CYP4X1: variants seen among roughly 807,000 people sequenced by gnomAD.
CYP4X1 encodes cytochrome P450 family 4 subfamily X member 1.
In CYP4X1, 44 loss-of-function variants were observed where a neutral mutation model predicts 57.9. That is an observed-to-expected ratio of 0.76 (90% CI 0.60 to 0.98). The LOEUF is 0.98. Ranked by LOEUF, CYP4X1 falls within the 50% of genes least tolerant of loss-of-function variation. CYP4X1 has a pLI of 0.00. For synonymous variants in CYP4X1, 227 were observed against 228.6 expected (o/e 0.99, Z 0.06); for missense variants, 532 against 623.9 (o/e 0.85, Z 1.57).
At chr1:46,993,395 A>G in the CYP4X1 span, among the ~76,000 whole-genome samples, 1 of 152,162 alleles carries the variant, frequency 6.6e-6, no homozygotes, top group Non-Finnish European at 1.5e-5. Context: ...ATAAACATAC[A>G]TATGCATGTG....
rs1553152516 is a variant in CYP4X1, at chr1:47,036,370, T to TATATATATATATATA, written c.775+199_775+200insATATATATATATATA. Among the ~76,000 whole-genome samples the TATATATATATATATA allele has an allele frequency of 9.4e-3, 1,221 of 129,750 alleles. 33 individuals carry two copies. Among genetic ancestry groups the TATATATATATATATA allele is most frequent in the East Asian group, 0.024 (67 of 2,788 alleles). 85.1% of individuals were successfully genotyped at this position (129,750 alleles called of 152,430 possible). On this transcript the variant is annotated intron_variant, in intron 6 of 11. Transcript: ENST00000371901. ...AACCATAGCAGTATTATCAGAATTT[T>TATATATATATATATA]TATATATATATATATACACTATTTT... is the stretch of plus-strand genomic sequence containing the variant.
upstream of CYP4X1, among the ~76,000 whole-genome samples, chr1:47,022,150 G>A (rs1644003859): frequency 6.6e-6 from 1 of 152,124 alleles, no homozygotes; most frequent in East Asian, 1.9e-4. Flanking sequence ...TCTAGTTGAA[G>A]GTTGGAGTTA....
At chr1:46,982,861 T>G in the CYP4X1 span, among the ~76,000 whole-genome samples, 1 of 152,174 alleles carries the variant, frequency 6.6e-6, no homozygotes, top group African/African-American at 2.4e-5. Flanking sequence ...TGGAGTGAGC[T>G]CAGGCTTTTT....
At chr1:46,961,698 C>T in the CYP4X1 span, 55 of 1,295,420 alleles carry the variant, frequency 4.2e-5, no homozygotes, top group Middle Eastern at 1.9e-3. Context: ...ACCCAACCAA[C>T]TTCTTCACTT....
the CYP4X1 span, among the ~76,000 whole-genome samples, chr1:47,005,723 G>A: frequency 4.3e-4 from 66 of 152,238 alleles, no homozygotes; most frequent in Non-Finnish European, 7.9e-4. Context: ...TAAAATTATC[G>A]GTGGAACAAA....
At chr1:47,052,918 TTTTTA>T (rs879681102), downstream of CYP4X1, among the ~76,000 whole-genome samples, 44 of 152,230 alleles carry the variant, frequency 2.9e-4, no homozygotes, top group Non-Finnish European at 5.9e-4. Context: ...CTATTTCTTT[TTTTTA>T]TTTTATTATT....
rs1300221522 is a variant in CYP4X1 at position 47,023,843 on chromosome 1, G to C, written c.26G>C (p.Arg9Pro). The stretch of plus-strand genomic sequence containing the variant: ...ATGGAATTCTCCTGGCTGGAGACGC[G>C]CTGGGCGCGGCCCTTTTACCTGGCG... MEFSWLETRWARPFYLAFV... is the reference protein window; with the variant it reads MEFSWLETPWARPFYLAFV... Residue 9 changes from arginine (R) to proline (P), a missense_variant, in exon 1 of 12, where the codon CGC becomes CCC. By Grantham distance (103) the Arg-to-Pro change is moderately radical. Transcript: ENST00000371901. The C allele has an allele frequency of 6.2e-7, 1 of 1,613,160 alleles. No homozygotes were observed. Among genetic ancestry groups the C allele is most frequent in the Admixed American group, 1.7e-5 (1 of 60,012 alleles).
the CYP4X1 span, among the ~76,000 whole-genome samples, chr1:47,000,244 C>T: frequency 1.3e-5 from 2 of 152,150 alleles, no homozygotes; most frequent in African/African-American, 2.4e-5. Context: ...CTTTGACTCT[C>T]CTTTGCCTTC....
chr1:46,982,946 T>C, the CYP4X1 span, among the ~76,000 whole-genome samples: 1 of 152,224 alleles, frequency 6.6e-6, no homozygotes, highest in Non-Finnish European at 1.5e-5. Context: ...TTAACTGGTC[T>C]CTGGGGCTTC....
chr1:46,980,926 C>T, the CYP4X1 span, among the ~76,000 whole-genome samples: 1 of 145,970 alleles, frequency 6.9e-6, no homozygotes, highest in African/African-American at 2.5e-5. Context: ...ACTGCCTAGC[C>T]ATATGTAGAA....
intron 1 of CYP4X1, among the ~76,000 whole-genome samples, chr1:47,027,521 T>G (rs1044182795): frequency 2.6e-5 from 4 of 152,224 alleles, no homozygotes; most frequent in Non-Finnish European, 5.9e-5. Context: ...CTCTTCAAGC[T>G]CTTCAGAAAT....
chr1:47,039,241 T>C (rs1364355850), intron 7 of CYP4X1, 101 bp from the exon 8 acceptor site: 1 of 1,114,232 alleles, frequency 9.0e-7, no homozygotes, highest in Admixed American at 2.6e-5. Flanking sequence ...TAAACCCCTA[T>C]TTAAAGCTCT....
intron 8 of CYP4X1, among the ~76,000 whole-genome samples, chr1:47,042,944 A>G (rs1644262259): frequency 1.3e-5 from 2 of 152,148 alleles, no homozygotes; most frequent in African/African-American, 4.8e-5. Flanking sequence ...TTTTCATATA[A>G]TGACTTCTCT....
At chr1:47,028,011 T>C (rs1644088756) in intron 1 of CYP4X1, among the ~76,000 whole-genome samples, 1 of 152,226 alleles carries the variant, frequency 6.6e-6, no homozygotes, top group Non-Finnish European at 1.5e-5. Flanking sequence ...TGGTGCATAA[T>C]AGGTGCTCAA....
intron 6 of CYP4X1, among the ~76,000 whole-genome samples, 199 bp downstream of exon 6, chr1:47,036,370 T>TTTTATATATATATATATATATATATA (rs1553152517): frequency 6.9e-5 from 9 of 129,838 alleles, no homozygotes; most frequent in African/African-American, 2.0e-4. Flanking sequence ...ATCAGAATTT[T>TTTTATATATATATATATATATATATA]TATATATATA....
At chr1:46,984,376 TAAAAA>T in the CYP4X1 span, among the ~76,000 whole-genome samples, 37 of 118,566 alleles carry the variant, frequency 3.1e-4, no homozygotes, top group South Asian at 3.2e-4. Context: ...GCTCTGCCTT[TAAAAA>T]AAAAAAAAAA....
At chr1:46,996,471 G>T in the CYP4X1 span, among the ~76,000 whole-genome samples, 1 of 152,174 alleles carries the variant, frequency 6.6e-6, no homozygotes, top group Non-Finnish European at 1.5e-5. Context: ...TCTCTATTCG[G>T]GGTGGTTTCT....
chr1:46,965,169 C>A, the CYP4X1 span, among the ~76,000 whole-genome samples: 1 of 152,340 alleles, frequency 6.6e-6, no homozygotes, highest in East Asian at 1.9e-4. Flanking sequence ...AGGGAATTCC[C>A]TGACCCCTTG....
chr1:47,031,401 A>G, intron 2 of CYP4X1, 35 bp from the exon 3 acceptor site: 3 of 1,612,180 alleles, frequency 1.9e-6, no homozygotes, highest in Non-Finnish European at 2.5e-6. Context: ...GCTCCCTCTA[A>G]TGATGTCTTT....
Sources: gnomAD v4.1 joint callset for allele counts (sites outside exome capture counted in the v4.1 genomes callset) on GRCh38, gnomAD v4.1.1 for gene constraint, MANE v1.5 for transcripts, NCBI Gene and HGNC (gene_info 2026-07-23, HGNC 2026-07-21) for gene names.